Variants in NPAS3 observed in about 807,000 individuals in gnomAD.
NPAS3 encodes the protein neuronal PAS domain protein 3, also known as neuronal PAS domain-containing protein 3.
A neutral mutation model predicts 73.1 loss-of-function variants in NPAS3; 14 were observed. The observed-to-expected ratio is 0.19, with a 90% CI of 0.13 to 0.30. The LOEUF is 0.30. NPAS3 is among the 10% of genes least tolerant of loss of function. NPAS3 has a pLI of 1.00. For synonymous variants in NPAS3, 620 were observed against 541.5 expected, an observed-to-expected ratio of 1.14 and a Z score of -2.01; for missense variants, 1,096 against 1,250.0, an observed-to-expected ratio of 0.88 and a Z score of 1.86.
intron 1 of NPAS3, among the ~76,000 whole-genome samples, chr14:33,023,152 A>G (rs1055265149): frequency 6.6e-6 from 1 of 152,196 alleles, no homozygotes; most frequent in Admixed American, 6.5e-5. Context: ...CTGGGCTGTC[A>G]CCATCAAATA....
intron 2 of NPAS3, among the ~76,000 whole-genome samples, chr14:33,099,691 G>A (rs1341003151): frequency 6.6e-6 from 1 of 152,146 alleles, no homozygotes; most frequent in Admixed American, 6.6e-5. Flanking sequence ...ACTAATCCAA[G>A]GGATAGTTGG....
chr14:33,777,998 G>T (rs1348859599), intron 8 of NPAS3, among the ~76,000 whole-genome samples: 1 of 152,182 alleles, frequency 6.6e-6, no homozygotes, highest in Non-Finnish European at 1.5e-5. Flanking sequence ...TTTGGACTTT[G>T]TGCCAAGAAG....
intron 4 of NPAS3, among the ~76,000 whole-genome samples, chr14:33,443,694 GT>G (rs1394712069): frequency 6.6e-6 from 1 of 152,206 alleles, no homozygotes; most frequent in African/African-American, 2.4e-5. Flanking sequence ...GTTCCAGGAG[GT>G]CACGCTGTGA....
At chr14:33,474,341 T>C (rs1194401222) in intron 4 of NPAS3, among the ~76,000 whole-genome samples, 1 of 152,122 alleles carries the variant, frequency 6.6e-6, no homozygotes, top group Non-Finnish European at 1.5e-5. Context: ...GAAATATATC[T>C]GGATTATATT....
At chr14:33,210,371 T>G (rs1210909610) in intron 2 of NPAS3, among the ~76,000 whole-genome samples, 1 of 152,174 alleles carries the variant, frequency 6.6e-6, no homozygotes, top group Non-Finnish European at 1.5e-5. Context: ...TTTTCAAACT[T>G]TTTTGGGGAT....
chr14:33,115,177 G>A (rs902063653), intron 2 of NPAS3, among the ~76,000 whole-genome samples: 3 of 152,178 alleles, frequency 2.0e-5, no homozygotes, highest in African/African-American at 7.2e-5. Flanking sequence ...ATAGGTGGAA[G>A]GTCCTGTAGA....
chr14:32,992,546 C>A (rs1014431995), intron 1 of NPAS3, among the ~76,000 whole-genome samples: 2 of 152,048 alleles, frequency 1.3e-5, no homozygotes, highest in Admixed American at 1.3e-4. Flanking sequence ...TAGAGCCTGG[C>A]ATAAGGCTGA....
intron 2 of NPAS3, among the ~76,000 whole-genome samples, chr14:33,157,883 G>T (rs2044706421): frequency 6.6e-6 from 1 of 152,140 alleles, no homozygotes; most frequent in Non-Finnish European, 1.5e-5. Context: ...CCTTCATGTG[G>T]TTTTTGTGAA....
chr14:33,052,640 CT>C (rs2040750806), intron 1 of NPAS3, among the ~76,000 whole-genome samples: 1 of 152,122 alleles, frequency 6.6e-6, no homozygotes, highest in Non-Finnish European at 1.5e-5. Context: ...GTATTTCATC[CT>C]TGCTCTTGTT....
At chr14:33,547,699 G>C (rs1422271913) in intron 4 of NPAS3, among the ~76,000 whole-genome samples, 2 of 152,124 alleles carry the variant, frequency 1.3e-5, no homozygotes, top group Non-Finnish European at 2.9e-5. Context: ...CATAGAAGGG[G>C]CACAAAGACA....
chr14:33,575,726 T>C (rs1426506764), intron 5 of NPAS3, among the ~76,000 whole-genome samples: 1 of 152,234 alleles, frequency 6.6e-6, no homozygotes, highest in Non-Finnish European at 1.5e-5. Flanking sequence ...CTAATTGTTC[T>C]TTTTAACAGT....
rs79906969 is a variant in NPAS3 at position 33,036,994 on chromosome 14, T to A, written c.51-18911T>A. On this transcript the variant is annotated intron_variant, in intron 1 of 11. Transcript: ENST00000356141. ...AAGCTAGAATTCTGACTTATCATCC[T>A]CTTATTAGTTTTGTAGATTTTTGTT... Among the ~76,000 whole-genome samples the A allele has an allele frequency of 7.4e-3, 1,129 of 152,286 alleles. 15 individuals are homozygous for A. The highest frequency in any genetic ancestry group is 0.025 in the African/African-American group (1,047 of 41,570).
chr14:33,594,758 G>A (rs1157340760), intron 5 of NPAS3, among the ~76,000 whole-genome samples: 1 of 152,188 alleles, frequency 6.6e-6, no homozygotes, highest in Admixed American at 6.5e-5. Context: ...CAGCCTAGAT[G>A]TAACCTCTTC....
chr14:33,123,234 CA>C (rs2043297998), intron 2 of NPAS3, among the ~76,000 whole-genome samples: 1 of 151,896 alleles, frequency 6.6e-6, no homozygotes, highest in Non-Finnish European at 1.5e-5. Flanking sequence ...TTTAGATCAT[CA>C]CGGGAGACAT....
At chr14:33,358,493 TC>T (rs1181089672) in intron 3 of NPAS3, among the ~76,000 whole-genome samples, 13 of 152,144 alleles carry the variant, frequency 8.5e-5, no homozygotes, top group Admixed American at 8.5e-4. Flanking sequence ...GATCAGTAGA[TC>T]CCAGGGTCCT....
At chr14:33,335,037 T>TGTGC (rs778011570) in intron 3 of NPAS3, among the ~76,000 whole-genome samples, 4,828 of 125,956 alleles carry the variant, frequency 0.038, 168 homozygotes, top group Admixed American at 0.13. Flanking sequence ...CCATTGTGTG[T>TGTGC]GTGTGCGTGT....
intron 4 of NPAS3, among the ~76,000 whole-genome samples, chr14:33,558,494 A>G (rs2055472126): frequency 6.6e-6 from 1 of 152,150 alleles, no homozygotes; most frequent in Non-Finnish European, 1.5e-5. Context: ...TCCTGGTCTC[A>G]AGTGATCTGC....
At chr14:33,349,122 A>T (rs142256195) in intron 3 of NPAS3, among the ~76,000 whole-genome samples, 177 of 152,342 alleles carry the variant, frequency 1.2e-3, no homozygotes, top group African/African-American at 3.8e-3. Flanking sequence ...TGTGGGGATT[A>T]ACTATGGCTT....
intron 4 of NPAS3, among the ~76,000 whole-genome samples, chr14:33,552,704 C>T (rs1303553404): frequency 6.6e-6 from 1 of 151,914 alleles, no homozygotes; most frequent in African/African-American, 2.4e-5. Flanking sequence ...TGAAAGACAC[C>T]TGGTACCCGC....
Sources: gnomAD v4.1 joint callset for allele counts (sites outside exome capture counted in the v4.1 genomes callset) on GRCh38, gnomAD v4.1.1 for gene constraint, MANE v1.5 for transcripts, NCBI Gene and HGNC (gene_info 2026-07-23, HGNC 2026-07-21) for gene names.